Variants in B4GALT7 observed in about 807,000 individuals in gnomAD.
B4GALT7 encodes UDP-Gal:beta-GlcNAc beta-1,4-galactosyltransferase 7.
In B4GALT7, 30 loss-of-function variants were observed where a neutral mutation model predicts 33.0. That is an observed-to-expected ratio of 0.91 (90% confidence interval 0.68 to 1.23). B4GALT7 has a LOEUF of 1.23. B4GALT7 is among the 50% of genes most tolerant of loss of function. B4GALT7 has a pLI of 0.00. For missense variants in B4GALT7, 507 were observed against 450.8 expected (o/e 1.12, Z -1.13); for synonymous variants, 213 against 187.2 (o/e 1.14, Z -1.13).
chr5:177,604,123 C>G (rs1486596305), intron 1 of B4GALT7, 56 bp from the exon 2 acceptor site: 2 of 1,610,824 alleles, frequency 1.2e-6, no homozygotes, highest in Admixed American at 3.3e-5. Context: ...GAGAACGGGT[C>G]TGTCACAGGG....
At position 177,608,465 on chromosome 5, in the gene B4GALT7, C is replaced by A; in HGVS notation, c.640-74C>A. On this transcript the variant is annotated intron_variant, in intron 3 of 5. Coordinates refer to ENST00000029410, the MANE Select transcript of B4GALT7 (RefSeq NM_007255.3). The surrounding 1 kb of genome is among the most constrained non-coding windows in gnomAD (Gnocchi z 4.1). Reference sequence around the variant, plus strand: ...AGAGGCGCTGGGGGAGAGGGGCACTCCCGAGCGGTAGGAGACCAAAGGCCC... The same window carrying A: ...AGAGGCGCTGGGGGAGAGGGGCACTACCGAGCGGTAGGAGACCAAAGGCCC... 1 of 1,392,916 alleles carries A rather than the reference C, an allele frequency of 7.2e-7. No individual in the cohort carries two copies. The highest frequency in any genetic ancestry group is 1.0e-6 in the Non-Finnish European group (1 of 982,274). 86.3% of individuals were successfully genotyped at this position (1,392,916 alleles called of 1,614,324 possible).
At chr5:177,604,624 AG>A (rs2127511853) in intron 2 of B4GALT7, 83 bp downstream of exon 2, 1 of 1,576,284 alleles carries the variant, frequency 6.3e-7, no homozygotes, top group Admixed American at 1.7e-5. Flanking sequence ...CACCTGGGGC[AG>A]GGGCAGGAGG....
At chr5:177,602,890 T>G in intron 1 of B4GALT7, 1 of 943,476 alleles carries the variant, frequency 1.1e-6, no homozygotes, top group African/African-American at 1.8e-5. Context: ...TTTATTTATT[T>G]ATTTATTTAT....
intron 1 of B4GALT7, chr5:177,603,117 G>A (rs546911330): frequency 8.5e-6 from 6 of 709,912 alleles, no homozygotes; most frequent in East Asian, 2.7e-4. Context: ...TCCTGACCTC[G>A]TGATGCACCT....
chr5:177,604,492 A>G lies in B4GALT7; in HGVS notation c.364A>G (p.Lys122Glu), dbSNP rs201281389. Reference protein sequence around the residue: ...VPHMRRFLSRKKIRHHIYVLN... With the variant: ...VPHMRRFLSREKIRHHIYVLN... Reference sequence around the variant, plus strand: ...CCACATGCGCCGCTTCCTGAGCAGGAAGAAGATCCGGCACCACATCTACGT... The same window carrying G: ...CCACATGCGCCGCTTCCTGAGCAGGGAGAAGATCCGGCACCACATCTACGT... Residue 122 changes from lysine to glutamate, a missense_variant, in exon 2 of 6, where the codon AAG becomes GAG. Transcript: ENST00000029410. The G allele has an allele frequency of 6.2e-7, 1 of 1,613,944 alleles. No individual in the cohort carries two copies. Among genetic ancestry groups the G allele is most frequent in the Non-Finnish European group, 8.5e-7 (1 of 1,179,948 alleles).
chr5:177,607,981 C>T (rs1195382250), intron 3 of B4GALT7: 1 of 258,204 alleles, frequency 3.9e-6, no homozygotes, highest in East Asian at 1.0e-4. Context: ...GCTGCACTGG[C>T]TCTTGATTGG....
Position 177,608,599 on chromosome 5 carries a change from C to A in B4GALT7, c.700C>A (p.Arg234Ser). 6.2e-7 allele frequency: 1 copy of A among 1,613,820 alleles called. No homozygotes were observed. The highest frequency in any genetic ancestry group is 8.5e-7 in the Non-Finnish European group (1 of 1,179,984). ...CCGCGAGGACGACGAGTTCTACCGGCGCATTAAGGGAGCTGGGCTCCAGGT... is the reference window on the plus strand; with the variant it reads ...CCGCGAGGACGACGAGTTCTACCGGAGCATTAAGGGAGCTGGGCTCCAGGT... ...WGREDDEFYR[R>S]IKGAGLQLFR... The change falls in exon 4 of 6, where the codon CGC becomes AGC. Residue 234 changes from arginine to serine, a missense_variant. Arg to Ser is a moderately radical substitution (Grantham distance 110). Transcript: ENST00000029410. The surrounding 1 kb of genome is among the most constrained non-coding windows in gnomAD (Gnocchi z 4.1).
At chr5:177,605,285 C>T (rs1767961165) in intron 2 of B4GALT7, 4 of 329,122 alleles carry the variant, frequency 1.2e-5, no homozygotes, top group South Asian at 9.5e-5. Flanking sequence ...CAGCTCTCTG[C>T]TCCACACCTG....
chr5:177,604,011 T>A (rs1767907503), intron 1 of B4GALT7, 168 bp from the exon 2 acceptor site: 15 of 996,484 alleles, frequency 1.5e-5, no homozygotes, highest in Non-Finnish European at 1.5e-6. Flanking sequence ...AGGATTCGGA[T>A]GCATGGTAGT....
Position 177,604,394 on chromosome 5 carries a change from C to G in B4GALT7, c.266C>G (p.Ser89Cys), listed in dbSNP as rs752670843. 1 of 1,613,622 alleles carries G rather than the reference C, an allele frequency of 6.2e-7. No homozygotes were observed. The highest frequency in any genetic ancestry group is 1.3e-5 in the African/African-American group (1 of 74,910). ...CCTGAGCACTGGGAAGAAGACGCATCCTGGGGCCCCCACCGCCTGGCAGTG... is the reference window on the plus strand; with the variant it reads ...CCTGAGCACTGGGAAGAAGACGCATGCTGGGGCCCCCACCGCCTGGCAGTG... ...PPPEHWEEDA[S>C]WGPHRLAVLV... is the part of the protein sequence containing the mutation. Residue 89 changes from serine to cysteine, a missense_variant, in exon 2 of 6, where the codon TCC (serine) becomes TGC (cysteine). Transcript: ENST00000029410.
At chr5:177,607,172 C>T (rs535943206) in intron 2 of B4GALT7, 130 bp from the exon 3 acceptor site, 1 of 776,568 alleles carries the variant, frequency 1.3e-6, no homozygotes. Context: ...AGGGACTGCC[C>T]CACAGGCTGA....
In B4GALT7 at chr5:177,607,374, C is replaced by T. The variant is rs370142626; in HGVS notation, c.486C>T (p.His162=). 5.5e-5 allele frequency: 89 copies of T among 1,613,948 alleles called. No individual in the cohort carries two copies. Among genetic ancestry groups the T allele is most frequent in the African/African-American group, 1.9e-4 (14 of 74,944 alleles). The change falls in exon 3 of 6, where the codon CAC becomes CAT. Residue 162 remains histidine, a synonymous_variant. Transcript: ENST00000029410. ...ACAGCACGGACTACATTGCCATGCA[C>T]GACGTTGACCTGCTCCCTCTCAACG... ...SSNSTDYIAM[H]DVDLLPLNEE...
intron 1 of B4GALT7, among the ~76,000 whole-genome samples, chr5:177,603,599 G>A (rs542695485): frequency 2.6e-5 from 4 of 152,200 alleles, no homozygotes; most frequent in South Asian, 2.1e-4. Context: ...GCATTGCTTC[G>A]GGGGGCACGT....
At position 177,607,473 on chromosome 5, in the gene B4GALT7, C is replaced by G. The variant is rs757093697; in HGVS notation, c.585C>G (p.His195Gln). Reference protein sequence around the residue: ...VASPELHPLYHYKTYVGGILL... With the variant: ...VASPELHPLYQYKTYVGGILL... ...CCCCGGAGCTCCACCCTCTCTACCA[C>G]TACAAGACCTATGTCGGCGGCATCC... Residue 195 changes from histidine (H) to glutamine (Q), a missense_variant, in exon 3 of 6, where the codon CAC becomes CAG. His to Gln is a conservative substitution (Grantham distance 24). Coordinates refer to ENST00000029410, the MANE Select transcript of B4GALT7 (RefSeq NM_007255.3). 8 of 1,613,632 alleles carry G rather than the reference C, an allele frequency of 5.0e-6. No individual in the cohort carries two copies. The African/African-American group carries it at 1.1e-4, about 22-fold the overall frequency.
rs752728024 is a variant in B4GALT7 at position 177,604,342 on chromosome 5, C to G, written c.214C>G (p.Pro72Ala). The G allele has an allele frequency of 3.7e-6, 6 of 1,610,958 alleles. No homozygotes were observed. Among genetic ancestry groups the G allele is most frequent in the Middle Eastern group, 1.6e-4 (1 of 6,066 alleles). ...ACAAGGGCAGGAGACCTCGGGCCCT[C>G]CCCGTGCCTGCCCCCCAGAGCCGCC... is the stretch of plus-strand genomic sequence containing the variant. ...RGQGQETSGP[P>A]RACPPEPPPE... Residue 72 changes from proline (P) to alanine (A), a missense_variant, in exon 2 of 6, where the codon CCC becomes GCC. Coordinates refer to ENST00000029410, the MANE Select transcript of B4GALT7 (RefSeq NM_007255.3).
rs1455146498 is a variant in B4GALT7 at position 177,606,356 on chromosome 5, C to G, written c.414-946C>G. On this transcript the variant is annotated intron_variant, in intron 2 of 5. Coordinates refer to ENST00000029410, the MANE Select transcript of B4GALT7 (RefSeq NM_007255.3). This position sits in a 1 kb window ranked among gnomAD's most constrained non-coding sequence, Gnocchi z 4.2. ...CAAACCTGTAGCTCTGTCCTCTTCT[C>G]CATGGGAATGGAAGCTCTTTGCTCT... The G allele has an allele frequency of 6.6e-6, 1 of 152,512 alleles. No individual in the cohort carries two copies. The highest frequency in any genetic ancestry group is 2.4e-5 in the African/African-American group (1 of 41,414). 9.4% of individuals were successfully genotyped at this position (152,512 alleles called of 1,614,324 possible). A position where few individuals can be genotyped will look rare whatever the true frequency, so the allele number is the denominator to read the frequency against.
intron 3 of B4GALT7, 77 bp downstream of exon 3, chr5:177,607,604 T>C (rs1768054451): frequency 1.4e-6 from 2 of 1,411,110 alleles, no homozygotes; most frequent in Non-Finnish European, 2.0e-6. Flanking sequence ...GATGGGGCAG[T>C]GCCTCTGGGG....
chr5:177,604,252 G>A lies in B4GALT7; in HGVS notation c.124G>A (p.Gly42Ser). The A allele has an allele frequency of 6.2e-7, 1 of 1,613,684 alleles. No homozygotes were observed. Among genetic ancestry groups the A allele is most frequent in the Non-Finnish European group, 8.5e-7 (1 of 1,179,890 alleles). Residue 42 changes from glycine to serine, a missense_variant, in exon 2 of 6, where the codon GGC (glycine) becomes AGC (serine). Coordinates refer to ENST00000029410, the MANE Select transcript of B4GALT7 (RefSeq NM_007255.3). Reference protein sequence around the residue: ...FHLFVACLSLGFFSLLWLQLS... With the variant: ...FHLFVACLSLSFFSLLWLQLS... ...CCTGTTCGTGGCCTGCCTCTCGCTG[G>A]GCTTCTTCTCCCTACTCTGGCTGCA...
Position 177,609,953 on chromosome 5 carries a change from TC to T in B4GALT7, c.*260del, listed in dbSNP as rs1414334804. On this transcript the variant is annotated 3_prime_UTR_variant, in exon 6 of 6. Coordinates refer to ENST00000029410, the MANE Select transcript of B4GALT7 (RefSeq NM_007255.3). The stretch of plus-strand genomic sequence containing the variant: ...GTCCTGTCCGGGACCCCCCCTGCCT[TC>T]CTGCTCACCCTACTCTGACCTCCTT... 3.6e-6 allele frequency: 2 copies of T among 548,686 alleles called. No homozygotes were observed. Among genetic ancestry groups the T allele is most frequent in the African/African-American group, 1.9e-5 (1 of 52,790 alleles). 34.0% of individuals were successfully genotyped at this position (548,686 alleles called of 1,614,324 possible). A position where few individuals can be genotyped will look rare whatever the true frequency, so the allele number is the denominator to read the frequency against.
Sources: allele counts gnomAD v4.1 joint callset (sites outside exome capture counted in the v4.1 genomes callset), GRCh38; gene constraint gnomAD v4.1.1; non-coding constraint Gnocchi (gnomAD v3.1); transcripts MANE v1.5; gene names NCBI Gene and HGNC (gene_info 2026-07-23, HGNC 2026-07-21).